MYO5A: variants seen among roughly 807,000 people sequenced by gnomAD.
MYO5A encodes the protein myosin VA, also known as unconventional myosin-Va.
MYO5A carries 98 observed loss-of-function variants against 249.7 expected under a neutral mutation model. The observed-to-expected ratio is 0.39, with a 90% CI of 0.33 to 0.46. The LOEUF (loss-of-function observed/expected upper bound fraction) is 0.46. Among genes scored for constraint, MYO5A ranks in the 20% least tolerant of loss-of-function variants. The pLI, the probability that MYO5A is intolerant of heterozygous loss-of-function variation, is 0.98. For synonymous variants in MYO5A, 778 were observed against 810.6 expected (o/e 0.96, Z 0.68); for missense variants, 1,696 against 2,308.8 (o/e 0.73, Z 5.44).
rs1452209341 is a variant in MYO5A at position 52,457,681 on chromosome 15, C to A, written c.28-24396G>T. 2.0e-5 allele frequency among the ~76,000 whole-genome samples: 3 copies of A among 152,084 alleles called. No homozygotes were observed. The East Asian group carries it at 5.8e-4, about 29-fold the overall frequency. ...TGGTGGAAATGTAAATTAGAACAGT[C>A]ATTATGGAAAAGAGCATGGAGATTT... is the stretch of plus-strand genomic sequence containing the variant. On this transcript the variant is annotated intron_variant, in intron 1 of 41. Transcript: ENST00000399233.
chr15:52,316,486 G>A (rs1021784124), intron 40 of MYO5A, among the ~76,000 whole-genome samples: 4 of 152,066 alleles, frequency 2.6e-5, no homozygotes, highest in African/African-American at 4.8e-5. Flanking sequence ...GAACCTCTAC[G>A]GTAGAGTCAG....
chr15:52,498,504 AATTT>A (rs1424413191), intron 1 of MYO5A, among the ~76,000 whole-genome samples: 1 of 152,132 alleles, frequency 6.6e-6, no homozygotes, highest in Non-Finnish European at 1.5e-5. Flanking sequence ...AATATTTATT[AATTT>A]GTTTGGTTAA....
intron 31 of MYO5A, among the ~76,000 whole-genome samples, 177 bp downstream of exon 31, chr15:52,342,940 T>C (rs1347176013): frequency 6.6e-6 from 1 of 150,880 alleles, no homozygotes. Context: ...AAAAGGTGTT[T>C]GGCTGAATGT....
Position 52,353,946 on chromosome 15 carries a change from C to T in MYO5A, c.3492G>A (p.Glu1164=). ...LFLKLQKRVT[E]LEQEKQVMQD... ...GCATCACCTGCTTCTCCTGCTCCAGCTCTGTGACCCGCTTCTGGAGCTTAA... is the reference window on the plus strand; with the variant it reads ...GCATCACCTGCTTCTCCTGCTCCAGTTCTGTGACCCGCTTCTGGAGCTTAA... Residue 1164 remains glutamate (E), a synonymous_variant, in exon 26 of 42, where the codon GAG becomes GAA. Coordinates refer to ENST00000399233, the MANE Select transcript of MYO5A (RefSeq NM_001382347.1). The T allele has an allele frequency of 6.2e-7, 1 of 1,614,266 alleles. No homozygotes were observed. Among genetic ancestry groups the T allele is most frequent in the Non-Finnish European group, 8.5e-7 (1 of 1,180,050 alleles).
In MYO5A at chr15:52,311,246, G is replaced by C. The variant is rs922016914; in HGVS notation, c.*2450C>G. The C allele has an allele frequency of 6.6e-6, 1 of 152,314 alleles. No homozygotes were observed. Among genetic ancestry groups the C allele is most frequent in the Admixed American group, 6.5e-5 (1 of 15,284 alleles). The allele number at this position is 152,314 out of a possible 1,614,324, so 9.4% of individuals were successfully genotyped here. A position where few individuals can be genotyped will look rare whatever the true frequency, so the allele number is the denominator to read the frequency against. ...TGAGAAGATTCAGGGTGCACGTTGA[G>C]TCGTGCTACACAGGATGAAGCTGGG... On this transcript the variant is annotated 3_prime_UTR_variant, in exon 42 of 42. Coordinates refer to ENST00000399233, the MANE Select transcript of MYO5A (RefSeq NM_001382347.1).
chr15:52,446,806 T>C (rs1190290416), intron 1 of MYO5A, among the ~76,000 whole-genome samples: 1 of 152,214 alleles, frequency 6.6e-6, no homozygotes, highest in Non-Finnish European at 1.5e-5. Flanking sequence ...CTTGGATCTT[T>C]AAGATTTAAT....
At chr15:52,433,411 CA>C (rs2075585402) in intron 1 of MYO5A, 126 bp from the exon 2 acceptor site, 2 of 366,904 alleles carry the variant, frequency 5.5e-6, no homozygotes, top group South Asian at 2.7e-5. Flanking sequence ...ACATGAAATT[CA>C]CTTTTTTTTT....
At chr15:52,506,744 A>G (rs1437219072) in intron 1 of MYO5A, among the ~76,000 whole-genome samples, 2 of 151,982 alleles carry the variant, frequency 1.3e-5, no homozygotes, top group African/African-American at 4.8e-5. Context: ...CTGAGGTGTG[A>G]CAATCACTTG....
Position 52,384,228 on chromosome 15 carries a change from G to A in MYO5A, c.1847C>T (p.Pro616Leu), listed in dbSNP as rs1386531517. Residue 616 changes from proline (P) to leucine (L), a missense_variant, in exon 15 of 42, where the codon CCT (proline) becomes CTT (leucine). By Grantham distance (98) the Pro-to-Leu change is moderately conservative. Transcript: ENST00000399233. Reference sequence around the variant, plus strand: ...TGGTCTGCCTTTGGTGGGCTTTGCAGGAGTTCGTGTGAGGGGTGTGCGCCC... The same window carrying A: ...TGGTCTGCCTTTGGTGGGCTTTGCAAGAGTTCGTGTGAGGGGTGTGCGCCC... ...SSGRTPLTRTPAKPTKGRPGQ... is the reference protein window; with the variant it reads ...SSGRTPLTRTLAKPTKGRPGQ... 5.0e-6 allele frequency: 8 copies of A among 1,614,086 alleles called. No homozygotes were observed. The Admixed American group carries it at 8.3e-5, about 17-fold the overall frequency.
At chr15:52,418,258 T>C (rs1437448691) in intron 4 of MYO5A, among the ~76,000 whole-genome samples, 1 of 152,124 alleles carries the variant, frequency 6.6e-6, no homozygotes, top group Non-Finnish European at 1.5e-5. Context: ...ACTGGGTGCT[T>C]TGGAGTGGAG....
chr15:52,337,772 A>C, intron 33 of MYO5A, 38 bp downstream of exon 33: 1 of 1,439,470 alleles, frequency 6.9e-7, no homozygotes, highest in Non-Finnish European at 9.5e-7. Context: ...TATAAGTAGC[A>C]AGGGAAGACA....
At chr15:52,483,281 C>A (rs2076751465) in intron 1 of MYO5A, among the ~76,000 whole-genome samples, 1 of 152,168 alleles carries the variant, frequency 6.6e-6, no homozygotes, top group Non-Finnish European at 1.5e-5. Context: ...TACGAGTGAG[C>A]CATTTTCAGG....
intron 1 of MYO5A, among the ~76,000 whole-genome samples, chr15:52,440,721 C>T (rs1052425796): frequency 6.6e-6 from 1 of 152,160 alleles, no homozygotes; most frequent in African/African-American, 2.4e-5. Flanking sequence ...GCTTCTGATG[C>T]CCCAGACACT....
chr15:52,399,461 T>C lies in MYO5A; in HGVS notation c.1054-1995A>G, dbSNP rs531271679. ...CACACCATGCACAGTGAATAAAATC[T>C]TTATCATTGCAAAGTCACTTTATTT... is the stretch of plus-strand genomic sequence containing the variant. On this transcript the variant is annotated intron_variant, in intron 9 of 41. Coordinates refer to ENST00000399233, the MANE Select transcript of MYO5A (RefSeq NM_001382347.1). 2.0e-5 allele frequency among the ~76,000 whole-genome samples: 3 copies of C among 152,274 alleles called. No individual in the cohort carries two copies. In the South Asian group the frequency reaches 6.2e-4, roughly 32 times the overall value.
At chr15:52,338,477 C>T (rs1033889677) in intron 32 of MYO5A, among the ~76,000 whole-genome samples, 8 of 152,022 alleles carry the variant, frequency 5.3e-5, no homozygotes, top group Non-Finnish European at 1.2e-4. Flanking sequence ...GAGCACTAAG[C>T]CCAGGTCTCC....
At chr15:52,314,029 T>A (rs2037871951) in intron 41 of MYO5A, 94 bp downstream of exon 41, 1 of 1,309,766 alleles carries the variant, frequency 7.6e-7, no homozygotes, top group Non-Finnish European at 1.1e-6. Flanking sequence ...TAAAATAAGA[T>A]AATAAAAGAT....
intron 8 of MYO5A, among the ~76,000 whole-genome samples, chr15:52,406,643 T>G (rs902513780): frequency 6.0e-5 from 9 of 150,192 alleles, no homozygotes; most frequent in African/African-American, 2.2e-4. Flanking sequence ...TATTCTGAGG[T>G]TTTTTTTTTC....
chr15:52,477,739 C>T lies in MYO5A; in HGVS notation c.28-44454G>A, dbSNP rs147163651. ...CTGCAGAACTGCAAATATTCCAGAACGGCTAATGTTGCTGCCTGATCATTC... is the reference window on the plus strand; with the variant it reads ...CTGCAGAACTGCAAATATTCCAGAATGGCTAATGTTGCTGCCTGATCATTC... On this transcript the variant is annotated intron_variant, in intron 1 of 41. Coordinates refer to ENST00000399233, the MANE Select transcript of MYO5A (RefSeq NM_001382347.1). Among the ~76,000 whole-genome samples the T allele has an allele frequency of 4.1e-4, 63 of 152,296 alleles. No individual in the cohort carries two copies. In the East Asian group the frequency reaches 9.1e-3, roughly 22 times the overall value.
intron 1 of MYO5A, among the ~76,000 whole-genome samples, chr15:52,487,874 G>C (rs1488973780): frequency 1.3e-5 from 2 of 151,976 alleles, no homozygotes; most frequent in Non-Finnish European, 2.9e-5. Flanking sequence ...CACATTCCCA[G>C]ACAGCTTTAT....
Sources: gnomAD v4.1 joint callset for allele counts (sites outside exome capture counted in the v4.1 genomes callset) on GRCh38, gnomAD v4.1.1 for gene constraint, MANE v1.5 for transcripts, NCBI Gene and HGNC (gene_info 2026-07-23, HGNC 2026-07-21) for gene names.